SYN2: variants seen among roughly 807,000 people sequenced by gnomAD.
SYN2 encodes synapsin II, also known as synapsin-2.
Under a neutral mutation model 50.9 loss-of-function variants are expected in SYN2, and 19 were observed. That is an observed-to-expected ratio of 0.37 (90% CI 0.26 to 0.55). SYN2 has a LOEUF of 0.55. Ranked by LOEUF, SYN2 falls within the 20% of genes least tolerant of loss-of-function variation. The pLI is 0.81. For missense variants in SYN2, 587 were observed against 576.4 expected, an observed-to-expected ratio of 1.02 and a Z score of -0.19; for synonymous variants, 255 against 224.9, an observed-to-expected ratio of 1.13 and a Z score of -1.20.
At chr3:12,161,899 G>T in intron 6 of SYN2, 113 bp from the exon 7 acceptor site, 1 of 1,424,128 alleles carries the variant, frequency 7.0e-7, no homozygotes, top group African/African-American at 1.4e-5. Context: ...ACCCAGATTA[G>T]TGTCTGGATC....
chr3:12,177,089 T>C (rs1698091200), intron 10 of SYN2, among the ~76,000 whole-genome samples: 1 of 152,296 alleles, frequency 6.6e-6, no homozygotes, highest in South Asian at 2.1e-4. Flanking sequence ...GTGATGAGAA[T>C]TCAGAATTGA....
chr3:12,050,419 C>T (rs1191477426), intron 1 of SYN2, among the ~76,000 whole-genome samples: 2 of 148,590 alleles, frequency 1.3e-5, no homozygotes, highest in Admixed American at 6.8e-5. Flanking sequence ...GATCTTGGCT[C>T]ACTGCAACCT....
chr3:12,045,682 GA>G (rs1168715258), intron 1 of SYN2, among the ~76,000 whole-genome samples: 4 of 152,102 alleles, frequency 2.6e-5, no homozygotes, highest in African/African-American at 9.7e-5. Flanking sequence ...GCATTGTACT[GA>G]ATCCCTTTGC....
At chr3:12,120,126 GGTTTGA>G (rs1696521985) in intron 1 of SYN2, among the ~76,000 whole-genome samples, 1 of 152,244 alleles carries the variant, frequency 6.6e-6, no homozygotes, top group African/African-American at 2.4e-5. Flanking sequence ...CATAGAACAT[GGTTTGA>G]GAACCACTAG....
rs75244628 is a variant in SYN2, at chr3:12,172,463, C to T, written c.1308+2557C>T. Among the ~76,000 whole-genome samples the T allele has an allele frequency of 3.0e-3, 450 of 152,272 alleles. 4 individuals carry two copies. The highest frequency in any genetic ancestry group is 0.027 in the Middle Eastern group (8 of 294). On this transcript the variant is annotated intron_variant, in intron 10 of 12. Coordinates refer to ENST00000621198, the MANE Select transcript of SYN2 (RefSeq NM_133625.6). ...CACAGTTACAGTATATTATGGGGAA[C>T]GGATACAGATCAAAACTAAGCCAAA...
rs199889326 is a variant in SYN2 at position 12,106,060 on chromosome 3, G to GA, written c.378-34584dup. On this transcript the variant is annotated intron_variant, in intron 1 of 12. Transcript: ENST00000621198. ...TGAGTTCTTATCTGGAGACACTGGG[G>GA]AAAAAAATCTGTTTCCAAGCTCATT... 1.5e-3 allele frequency among the ~76,000 whole-genome samples: 235 copies of GA among 152,148 alleles called. 7 individuals are homozygous for GA. The East Asian group carries it at 0.025, about 16-fold the overall frequency.
At chr3:12,044,181 T>TCACACACACACA (rs1553610019) in intron 1 of SYN2, among the ~76,000 whole-genome samples, 37 of 53,394 alleles carry the variant, frequency 6.9e-4, no homozygotes, top group Non-Finnish European at 1.4e-3. Flanking sequence ...TCTCTCTCTC[T>TCACACACACACA]CACACACACA....
chr3:12,155,012 T>C (rs990074306), intron 5 of SYN2, among the ~76,000 whole-genome samples: 4 of 152,056 alleles, frequency 2.6e-5, no homozygotes, highest in Non-Finnish European at 5.9e-5. Flanking sequence ...TTTTTACCTA[T>C]GAAGCTCCTT....
intron 5 of SYN2, among the ~76,000 whole-genome samples, chr3:12,152,459 G>A (rs1471473668): frequency 6.6e-6 from 1 of 152,230 alleles, no homozygotes; most frequent in African/African-American, 2.4e-5. Flanking sequence ...AGAGTACTCA[G>A]CTGAAGGGTA....
chr3:12,161,703 G>C, intron 6 of SYN2, 95 bp downstream of exon 6: 1 of 1,390,976 alleles, frequency 7.2e-7, no homozygotes, highest in Non-Finnish European at 1.0e-6. Flanking sequence ...CTCTGTCACT[G>C]ATGAATTCTT....
intron 2 of SYN2, among the ~76,000 whole-genome samples, chr3:12,141,099 G>T (rs1697009328): frequency 6.6e-6 from 1 of 152,124 alleles, no homozygotes. Context: ...CAGGTATGCT[G>T]CCCCGAGTGA....
chr3:12,134,102 T>G (rs1696846222), intron 1 of SYN2, among the ~76,000 whole-genome samples: 1 of 152,112 alleles, frequency 6.6e-6, no homozygotes, highest in African/African-American at 2.4e-5. Flanking sequence ...AATGTTGTTA[T>G]GTCTGTTTTG....
chr3:12,071,124 C>T (rs1473120661), intron 1 of SYN2: 1 of 560,724 alleles, frequency 1.8e-6, no homozygotes, highest in Non-Finnish European at 3.6e-6. Flanking sequence ...TACATGCCAA[C>T]AAGGTGCTGT....
intron 1 of SYN2, among the ~76,000 whole-genome samples, chr3:12,065,749 T>G (rs1409439158): frequency 6.6e-6 from 1 of 152,130 alleles, no homozygotes; most frequent in Non-Finnish European, 1.5e-5. Flanking sequence ...AACTGTTGAG[T>G]ACTATGCTCA....
At chr3:12,188,568 G>A (rs371037208) in intron 12 of SYN2, among the ~76,000 whole-genome samples, 3 of 152,190 alleles carry the variant, frequency 2.0e-5, no homozygotes, top group African/African-American at 7.2e-5. Context: ...GCCACTAGGA[G>A]ATCATGTAGT....
At chr3:12,096,010 C>G (rs1273048638) in intron 1 of SYN2, among the ~76,000 whole-genome samples, 1 of 152,148 alleles carries the variant, frequency 6.6e-6, no homozygotes, top group Non-Finnish European at 1.5e-5. Flanking sequence ...ACTTCCTTTC[C>G]ATCTCAATAA....
At chr3:12,074,467 G>A (rs936412320) in intron 1 of SYN2, among the ~76,000 whole-genome samples, 2 of 151,932 alleles carry the variant, frequency 1.3e-5, no homozygotes, top group Non-Finnish European at 2.9e-5. Context: ...TATATATTCT[G>A]TTTGTATTAT....
At chr3:12,162,360 T>C (rs1697675223) in intron 7 of SYN2, among the ~76,000 whole-genome samples, 1 of 152,350 alleles carries the variant, frequency 6.6e-6, no homozygotes, top group South Asian at 2.1e-4. Flanking sequence ...AAGGGAAATT[T>C]AGCTTTCTCT....
Position 12,161,554 on chromosome 3 carries a change from G to T in SYN2, c.783G>T (p.Leu261=). The change falls in exon 6 of 13, where the codon CTG becomes CTT. Residue 261 remains leucine (L), a synonymous_variant. Coordinates refer to ENST00000621198, the MANE Select transcript of SYN2 (RefSeq NM_133625.6). ...YYPNHKEMLT[L]PTFPVVVKIG... Reference sequence around the variant, plus strand: ...TTCTCTTCTGATTTCAGCTGACACTGCCCACGTTCCCTGTGGTGGTGAAGA... The same window carrying T: ...TTCTCTTCTGATTTCAGCTGACACTTCCCACGTTCCCTGTGGTGGTGAAGA... The T allele has an allele frequency of 6.2e-7, 1 of 1,613,994 alleles. No individual in the cohort carries two copies. The highest frequency in any genetic ancestry group is 8.5e-7 in the Non-Finnish European group (1 of 1,179,884).
Sources: allele counts gnomAD v4.1 joint callset (sites outside exome capture counted in the v4.1 genomes callset), GRCh38; gene constraint gnomAD v4.1.1; transcripts MANE v1.5; gene names NCBI Gene and HGNC (gene_info 2026-07-23, HGNC 2026-07-21).